Variants in HSH2D observed in about 807,000 individuals in gnomAD.
The protein encoded by HSH2D is hematopoietic SH2 domain-containing protein.
In HSH2D, 16 loss-of-function variants were observed where a neutral mutation model predicts 21.5. The ratio of observed to expected loss-of-function variants is 0.74; its 90% confidence interval spans 0.50 to 1.13. The LOEUF is 1.13. Ranked by LOEUF, HSH2D falls within the 50% of genes most tolerant of loss-of-function variation. HSH2D has a pLI of 0.00. For synonymous variants in HSH2D, 172 were observed against 184.7 expected, an observed-to-expected ratio of 0.93 and a Z score of 0.56; for missense variants, 418 against 441.4, an observed-to-expected ratio of 0.95 and a Z score of 0.47.
chr19:16,151,198 A>C (rs556593137), intron 2 of HSH2D, among the ~76,000 whole-genome samples: 1 of 151,642 alleles, frequency 6.6e-6, no homozygotes, highest in South Asian at 2.1e-4. Flanking sequence ...GGTTGCGGGT[A>C]CCTGTAATCC....
rs1204653018 is a variant in HSH2D, at chr19:16,157,559, A to G, written c.824A>G (p.Lys275Arg). 1 of 1,613,874 alleles carries G rather than the reference A, an allele frequency of 6.2e-7. No homozygotes were observed. The highest frequency in any genetic ancestry group is 1.1e-5 in the South Asian group (1 of 91,084). Residue 275 changes from lysine to arginine, a missense_variant, in exon 6 of 6, where the codon AAA becomes AGA. Coordinates refer to ENST00000613986, the MANE Select transcript of HSH2D (RefSeq NM_001382417.1). This position sits in a 1 kb window ranked among gnomAD's most constrained non-coding sequence, Gnocchi z 4.4. ...GATCCCTGTGTGGCCACATCTCTCAAAAGCCCCTCACAGCCCCAGGCACCA... is the reference window on the plus strand; with the variant it reads ...GATCCCTGTGTGGCCACATCTCTCAGAAGCCCCTCACAGCCCCAGGCACCA... ...YTDPCVATSL[K>R]SPSQPQAPKD...
At chr19:16,143,588 G>A, upstream of HSH2D, 1 of 296,526 alleles carries the variant, frequency 3.4e-6, no homozygotes, top group South Asian at 2.4e-5. Flanking sequence ...TGCTTTGTTG[G>A]ACTGCAGACA....
intron 3 of HSH2D, 185 bp from the exon 4 acceptor site, chr19:16,152,858 G>A: frequency 1.3e-6 from 1 of 791,156 alleles, no homozygotes; most frequent in Non-Finnish European, 2.1e-6. Context: ...TGTTATAAAT[G>A]GGGGAAACTG....
chr19:16,138,416 A>C (rs2090978229), intron 1 of HSH2D, among the ~76,000 whole-genome samples: 1 of 152,148 alleles, frequency 6.6e-6, no homozygotes, highest in South Asian at 2.1e-4. Flanking sequence ...TGTGCCTCAG[A>C]CATACCAAGT....
chr19:16,156,322 C>T (rs1285279937), intron 5 of HSH2D, among the ~76,000 whole-genome samples: 2 of 151,686 alleles, frequency 1.3e-5, no homozygotes, highest in Admixed American at 6.6e-5. Context: ...TGCACTCCAG[C>T]CTGGGTGACA....
intron 1 of HSH2D, among the ~76,000 whole-genome samples, chr19:16,145,040 T>TA (rs2091048762): frequency 7.7e-6 from 1 of 129,806 alleles, no homozygotes; most frequent in African/African-American, 3.9e-5. Flanking sequence ...TTTTGGGGTT[T>TA]TTTTTTTTTT....
At chr19:16,152,253 TA>T (rs2145049634) in intron 2 of HSH2D, among the ~76,000 whole-genome samples, 1 of 151,320 alleles carries the variant, frequency 6.6e-6, no homozygotes, top group East Asian at 1.9e-4. Flanking sequence ...CCATCTCTAC[TA>T]AAATATACAA....
rs1377257046 is a variant in HSH2D at position 16,152,587 on chromosome 19, G to C, written c.161G>C (p.Gly54Ala). 6.6e-7 allele frequency: 1 copy of C among 1,510,796 alleles called. No homozygotes were observed. The highest frequency in any genetic ancestry group is 1.4e-5 in the African/African-American group (1 of 71,704). The allele number at this position is 1,510,796 out of a possible 1,614,324, so 93.6% of individuals were successfully genotyped here. Residue 54 changes from glycine (G) to alanine (A), a missense_variant, in exon 3 of 6, where the codon GGA becomes GCA. By Grantham distance (60) the Gly-to-Ala change is moderately conservative. Transcript: ENST00000613986. Reference sequence around the variant, plus strand: ...AACTTGCTGGAGTCACAGCCACTGGGATCCTTTCTCATCAGGGTCAGTCAC... The same window carrying C: ...AACTTGCTGGAGTCACAGCCACTGGCATCCTTTCTCATCAGGGTCAGTCAC... Reference protein sequence around the residue: ...AENLLESQPLGSFLIRVSHSH... With the variant: ...AENLLESQPLASFLIRVSHSH...
intron 1 of HSH2D, among the ~76,000 whole-genome samples, chr19:16,138,550 C>T (rs529110590): frequency 9.4e-4 from 143 of 151,398 alleles, no homozygotes; most frequent in African/African-American, 3.1e-3. Flanking sequence ...CTCCGCCTCC[C>T]GGGTTCAAGC....
In HSH2D at chr19:16,157,282, A is replaced by G. The variant is rs1296713495; in HGVS notation, c.547A>G (p.Thr183Ala). Residue 183 changes from threonine to alanine, a missense_variant, in exon 6 of 6, where the codon ACC becomes GCC. Transcript: ENST00000613986. The surrounding 1 kb of genome is among the most constrained non-coding windows in gnomAD (Gnocchi z 4.4). ...GTCAGCAGAGATGAACAGAATAACCACCAAGGAAGCCACTTCCTCCTGCCC... is the reference window on the plus strand; with the variant it reads ...GTCAGCAGAGATGAACAGAATAACCGCCAAGGAAGCCACTTCCTCCTGCCC... ...KPSAEMNRIT[T>A]KEATSSCPPK... The G allele has an allele frequency of 3.1e-6, 5 of 1,609,796 alleles. No homozygotes were observed. Among genetic ancestry groups the G allele is most frequent in the Non-Finnish European group, 4.2e-6 (5 of 1,178,360 alleles).
intron 1 of HSH2D, among the ~76,000 whole-genome samples, chr19:16,147,267 T>C (rs2091084215): frequency 6.6e-6 from 1 of 152,000 alleles, no homozygotes; most frequent in Non-Finnish European, 1.5e-5. Flanking sequence ...GGTGGATTTC[T>C]TGAGTCCAGG....
chr19:16,141,363 GC>G (rs1487372548), upstream of HSH2D, among the ~76,000 whole-genome samples: 1 of 152,182 alleles, frequency 6.6e-6, no homozygotes, highest in Non-Finnish European at 1.5e-5. Context: ...CCTTGGGGAG[GC>G]CCCCAGTAGG....
intron 5 of HSH2D, among the ~76,000 whole-genome samples, chr19:16,156,764 G>T (rs556505101): frequency 6.6e-6 from 1 of 152,264 alleles, no homozygotes; most frequent in Non-Finnish European, 1.5e-5. Context: ...GAGGTGGGTG[G>T]ATCACCTGAG....
chr19:16,145,735 G>A (rs2091059097), intron 1 of HSH2D, among the ~76,000 whole-genome samples: 5 of 152,258 alleles, frequency 3.3e-5, no homozygotes, highest in Admixed American at 3.3e-4. Context: ...TGAAACATTA[G>A]ATGGGGCCAA....
rs776694336 is a variant in HSH2D, at chr19:16,157,368, C to A, written c.633C>A (p.Pro211=). The A allele has an allele frequency of 1.2e-6, 2 of 1,613,884 alleles. No individual in the cohort carries two copies. The highest frequency in any genetic ancestry group is 1.7e-6 in the Non-Finnish European group (2 of 1,179,852). The change falls in exon 6 of 6, where the codon CCC becomes CCA. Residue 211 remains proline (P), a synonymous_variant. Transcript: ENST00000613986. This position sits in a 1 kb window ranked among gnomAD's most constrained non-coding sequence, Gnocchi z 4.4. ...TCTGGAGGAGCCTCAAAATGCTCCC[C>A]GAGAGAGGCCAGAGGGTCCGGCAGC... ...QKLWRSLKML[P]ERGQRVRQQL...
chr19:16,156,378 C>A lies in HSH2D; in HGVS notation c.475-832C>A, dbSNP rs139205843. Among the ~76,000 whole-genome samples, 21 of 151,842 alleles carry A rather than the reference C, an allele frequency of 1.4e-4. No homozygotes were observed. The East Asian group carries it at 4.1e-3, about 30-fold the overall frequency. On this transcript the variant is annotated intron_variant, in intron 5 of 5. Transcript: ENST00000613986. ...AAAAAAAGATTTGTAGAGATGGGGT[C>A]TCACTACATTGCCCAGGCAGGTCTC...
chr19:16,150,020 AGTATTG>A (rs1407640043), intron 2 of HSH2D, among the ~76,000 whole-genome samples: 12 of 152,210 alleles, frequency 7.9e-5, no homozygotes, highest in Admixed American at 7.9e-4. Flanking sequence ...GAGAGGAAGT[AGTATTG>A]GTCATGGTTT....
At chr19:16,136,892 C>T (rs78331526) in intron 1 of HSH2D, among the ~76,000 whole-genome samples, 1 of 152,230 alleles carries the variant, frequency 6.6e-6, no homozygotes, top group Admixed American at 6.5e-5. Flanking sequence ...AAATCAAACA[C>T]TGCCTCCTCA....
intron 3 of HSH2D, 130 bp from the exon 4 acceptor site, chr19:16,152,913 G>C (rs146499702): frequency 9.2e-7 from 1 of 1,087,114 alleles, no homozygotes; most frequent in African/African-American, 1.6e-5. Context: ...CATGGCCAGT[G>C]AGTGAAGAAG....
Sources: allele counts gnomAD v4.1 joint callset (sites outside exome capture counted in the v4.1 genomes callset), GRCh38; gene constraint gnomAD v4.1.1; non-coding constraint Gnocchi (gnomAD v3.1); transcripts MANE v1.5; gene names NCBI Gene and HGNC (gene_info 2026-07-23, HGNC 2026-07-21).